DNER: variants seen among roughly 807,000 people sequenced by gnomAD.
DNER encodes the protein delta and Notch-like epidermal growth factor-related receptor.
A neutral mutation model predicts 78.2 loss-of-function variants in DNER; 33 were observed. The ratio of observed to expected loss-of-function variants is 0.42; its 90% confidence interval spans 0.32 to 0.56. The LOEUF (loss-of-function observed/expected upper bound fraction) is 0.56. Ranked by LOEUF, DNER falls within the 20% of genes least tolerant of loss-of-function variation. DNER has a pLI of 0.11. For missense variants in DNER, 918 were observed against 975.3 expected (o/e 0.94, Z 0.78); for synonymous variants, 417 against 384.8 (o/e 1.08, Z -0.98).
chr2:229,709,881 G>A (rs1335311444), intron 1 of DNER, among the ~76,000 whole-genome samples: 5 of 151,940 alleles, frequency 3.3e-5, no homozygotes, highest in Admixed American at 1.3e-4. Flanking sequence ...CTTCTTTGAC[G>A]GACAGCCCAA....
chr2:229,590,979 C>T (rs1265496295), intron 2 of DNER, among the ~76,000 whole-genome samples: 1 of 152,224 alleles, frequency 6.6e-6, no homozygotes, highest in Non-Finnish European at 1.5e-5. Context: ...CTTGCCCTCA[C>T]TCTTGCCATG....
chr2:229,360,330 CA>C (rs1330254831), intron 12 of DNER, among the ~76,000 whole-genome samples: 1 of 152,220 alleles, frequency 6.6e-6, no homozygotes, highest in African/African-American at 2.4e-5. Flanking sequence ...TGAGGGCCAA[CA>C]AATTATATTA....
intron 4 of DNER, among the ~76,000 whole-genome samples, chr2:229,577,303 T>C (rs897731250): frequency 2.0e-5 from 3 of 152,102 alleles, no homozygotes; most frequent in African/African-American, 7.2e-5. Flanking sequence ...TGTAACTGGG[T>C]AGGTCTGGAG....
intron 1 of DNER, among the ~76,000 whole-genome samples, chr2:229,607,768 A>T (rs1007584311): frequency 6.6e-6 from 1 of 152,138 alleles, no homozygotes; most frequent in Non-Finnish European, 1.5e-5. Flanking sequence ...CACACCTGTA[A>T]TCCCAGCACT....
intron 1 of DNER, among the ~76,000 whole-genome samples, chr2:229,641,232 G>A (rs1186795455): frequency 6.6e-6 from 1 of 152,176 alleles, no homozygotes; most frequent in African/African-American, 2.4e-5. Context: ...GAACTGGAGT[G>A]GGGGTGAGGT....
At chr2:229,588,250 ATGG>A (rs1697535723) in intron 3 of DNER, 141 bp downstream of exon 3, 31 of 685,560 alleles carry the variant, frequency 4.5e-5, no homozygotes, top group Non-Finnish European at 1.5e-5. Context: ...TAGTTTTCAA[ATGG>A]CAGGGGCCAC....
At chr2:229,698,975 G>A (rs1473581338) in intron 1 of DNER, among the ~76,000 whole-genome samples, 9 of 152,142 alleles carry the variant, frequency 5.9e-5, no homozygotes, top group Non-Finnish European at 1.3e-4. Context: ...GTTCTCAAGG[G>A]GAAAGGAGCT....
In DNER at chr2:229,670,564, T is replaced by C. The variant is rs528521051; in HGVS notation, c.276+43584A>G. The stretch of plus-strand genomic sequence containing the variant: ...ACTTATAAAGGGAAGATGATGTTAT[T>C]GCATTAGCCACTCACATCTAAATAA... On this transcript the variant is annotated intron_variant, in intron 1 of 12. Coordinates refer to ENST00000341772, the MANE Select transcript of DNER (RefSeq NM_139072.4). Among the ~76,000 whole-genome samples the C allele has an allele frequency of 1.0e-3, 154 of 152,366 alleles. 3 individuals carry two copies. The South Asian group carries it at 0.03, about 29-fold the overall frequency.
At position 229,608,052 on chromosome 2, in the gene DNER, G is replaced by T. The variant is rs192556854; in HGVS notation, c.277-16164C>A. On this transcript the variant is annotated intron_variant, in intron 1 of 12. Coordinates refer to ENST00000341772, the MANE Select transcript of DNER (RefSeq NM_139072.4). ...AAAAAAAAAAAAAAAAGTAGTGTAG[G>T]AAAGATCAACTTTTTAGTAAGTGAT... Among the ~76,000 whole-genome samples the T allele has an allele frequency of 4.7e-5, 7 of 148,568 alleles. No homozygotes were observed. In the East Asian group the frequency reaches 1.4e-3, roughly 29 times the overall value.
intron 1 of DNER, among the ~76,000 whole-genome samples, chr2:229,623,911 A>C (rs1698293115): frequency 6.6e-6 from 1 of 152,210 alleles, no homozygotes. Flanking sequence ...AAAGTCCTAA[A>C]CAGATGTCCC....
chr2:229,613,135 A>G (rs1293323696), intron 1 of DNER, among the ~76,000 whole-genome samples: 1 of 152,214 alleles, frequency 6.6e-6, no homozygotes, highest in Non-Finnish European at 1.5e-5. Context: ...CAGCCATTAA[A>G]AATCTAATTT....
At chr2:229,594,592 A>AC (rs56066661) in intron 1 of DNER, among the ~76,000 whole-genome samples, 4,189 of 46,500 alleles carry the variant, frequency 0.09, 91 homozygotes, top group Non-Finnish European at 0.18. Context: ...ATCTCAAAAA[A>AC]AAAAAACAAA....
At chr2:229,702,134 A>G in intron 1 of DNER, 1 of 165,354 alleles carries the variant, frequency 6.0e-6, no homozygotes, top group Non-Finnish European at 1.3e-5. Flanking sequence ...GCATAATGGA[A>G]ATGTTCTCTG....
Position 229,572,306 on chromosome 2 carries a change from G to A in DNER, c.847+13552C>T, listed in dbSNP as rs565317865. On this transcript the variant is annotated intron_variant, in intron 4 of 12. Transcript: ENST00000341772. The stretch of plus-strand genomic sequence containing the variant: ...TGTGAATTCATGTAGACCCTAAATG[G>A]ACTGTACAGTTCATCTAATATTGAA... Among the ~76,000 whole-genome samples, 138 of 152,200 alleles carry A rather than the reference G, an allele frequency of 9.1e-4. 1 individual carries two copies. Among genetic ancestry groups the A allele is most frequent in the African/African-American group, 3.1e-3 (130 of 41,542 alleles).
chr2:229,661,396 A>G (rs1699008945), intron 1 of DNER, among the ~76,000 whole-genome samples: 1 of 151,428 alleles, frequency 6.6e-6, no homozygotes, highest in South Asian at 2.1e-4. Context: ...CACCAGACCA[A>G]TTGGATATTG....
chr2:229,615,147 C>T (rs966642690), intron 1 of DNER, among the ~76,000 whole-genome samples: 1 of 152,188 alleles, frequency 6.6e-6, no homozygotes, highest in Admixed American at 6.5e-5. Flanking sequence ...CGTGGTGGCT[C>T]ATACCTGTAA....
chr2:229,448,696 A>C (rs990913525), intron 7 of DNER, among the ~76,000 whole-genome samples: 6 of 152,216 alleles, frequency 3.9e-5, no homozygotes, highest in African/African-American at 1.4e-4. Flanking sequence ...ATCTGTGCAT[A>C]CATGTAGGTA....
chr2:229,437,252 C>CA (rs1463065210), intron 8 of DNER, among the ~76,000 whole-genome samples: 1 of 152,172 alleles, frequency 6.6e-6, no homozygotes, highest in Admixed American at 6.5e-5. Flanking sequence ...TATGAGTTGA[C>CA]AATGTTCTGG....
intron 1 of DNER, among the ~76,000 whole-genome samples, chr2:229,695,209 A>G (rs1159520250): frequency 6.6e-6 from 1 of 152,182 alleles, no homozygotes; most frequent in Non-Finnish European, 1.5e-5. Flanking sequence ...TCTTTCCTTT[A>G]TAAATCAGCC....
Sources: allele counts gnomAD v4.1 joint callset (sites outside exome capture counted in the v4.1 genomes callset), GRCh38; gene constraint gnomAD v4.1.1; transcripts MANE v1.5; gene names NCBI Gene and HGNC (gene_info 2026-07-23, HGNC 2026-07-21).